UGT1A9: variants seen among roughly 807,000 people sequenced by gnomAD.
The protein encoded by UGT1A9 is UDP-glucuronosyltransferase 1A9.
In UGT1A9, 35 loss-of-function variants were observed where a neutral mutation model predicts 45.0. That is an observed-to-expected ratio of 0.78 (90% CI 0.59 to 1.03). The LOEUF (loss-of-function observed/expected upper bound fraction) is 1.03, where lower values mean the gene tolerates loss of function less well. Among genes scored for constraint, UGT1A9 ranks in the 50% least tolerant of loss-of-function variants. The pLI is 0.00. For synonymous variants in UGT1A9, 278 were observed against 250.6 expected (o/e 1.11, Z -1.03); for missense variants, 687 against 666.6 (o/e 1.03, Z -0.34).
chr2:233,675,092 A>T (rs1035687551), intron 1 of UGT1A9, among the ~76,000 whole-genome samples: 2 of 152,124 alleles, frequency 1.3e-5, no homozygotes, highest in African/African-American at 4.8e-5. Flanking sequence ...GACCCTGCAT[A>T]GGGGATTTTC....
intron 1 of UGT1A9, among the ~76,000 whole-genome samples, chr2:233,751,403 T>G (rs1694718342): frequency 6.6e-6 from 1 of 152,162 alleles, no homozygotes; most frequent in Admixed American, 6.5e-5. Flanking sequence ...GACTTTGGAC[T>G]ATGGACTTTT....
Position 233,768,305 on chromosome 2 carries a change from G to A in UGT1A9, c.1161G>A (p.Met387Ile), listed in dbSNP as rs1559415443. The A allele has an allele frequency of 1.2e-6, 2 of 1,614,084 alleles. No homozygotes were observed. Among genetic ancestry groups the A allele is most frequent in the Admixed American group, 1.7e-5 (1 of 59,988 alleles). ...TATGCAATGGCGTTCCCATGGTGAT[G>A]ATGCCCTTGTTTGGTGATCAGATGG... is the stretch of plus-strand genomic sequence containing the variant. ...ESICNGVPMV[M>I]MPLFGDQMDN... The change falls in exon 4 of 5, where the codon ATG becomes ATA. Residue 387 changes from methionine to isoleucine, a missense_variant. By Grantham distance (10) the Met-to-Ile change is conservative. Transcript: ENST00000354728.
Position 233,671,970 on chromosome 2 carries a change from A to C in UGT1A9, c.36A>C (p.Leu12=). ...ACTGWTSPLP[L]CVCLLLTCGF... ...CAGGGTGGACCAGCCCCCTTCCTCT[A>C]TGTGTGTGTCTGCTGCTGACCTGTG... The change falls in exon 1 of 5, where the codon CTA becomes CTC. Residue 12 remains leucine (L), a synonymous_variant. Coordinates refer to ENST00000354728, the MANE Select transcript of UGT1A9 (RefSeq NM_021027.3). The C allele has an allele frequency of 6.2e-7, 1 of 1,613,766 alleles. No homozygotes were observed.
At position 233,762,076 on chromosome 2, in the gene UGT1A9, C is replaced by T. The variant is rs543302541; in HGVS notation, c.856-4958C>T. ...CTTCATAGCACATCAAATATGGCAG[C>T]CATTTCACTTAGATAGTTGTTGATT... On this transcript the variant is annotated intron_variant, in intron 1 of 4. Coordinates refer to ENST00000354728, the MANE Select transcript of UGT1A9 (RefSeq NM_021027.3). Among the ~76,000 whole-genome samples the T allele has an allele frequency of 4.6e-5, 7 of 152,184 alleles. No homozygotes were observed. The East Asian group carries it at 1.4e-3, about 29-fold the overall frequency.
At chr2:233,713,213 T>C (rs2076292888) in intron 1 of UGT1A9, 1 of 1,614,164 alleles carries the variant, frequency 6.2e-7, no homozygotes, top group Non-Finnish European at 8.5e-7. Context: ...AAGAGAACTT[T>C]TTCACCCTGA....
chr2:233,690,687 A>G, intron 1 of UGT1A9: 1 of 1,254,678 alleles, frequency 8.0e-7, no homozygotes, highest in African/African-American at 1.6e-5. Context: ...TCTCCAGCGG[A>G]GCTACTCTTT....
chr2:233,674,107 A>G (rs1466820211), intron 1 of UGT1A9, among the ~76,000 whole-genome samples: 1 of 152,184 alleles, frequency 6.6e-6, no homozygotes, highest in Non-Finnish European at 1.5e-5. Flanking sequence ...GGGATGGAGT[A>G]TACAATTTAT....
chr2:233,713,649 C>A lies in UGT1A9; in HGVS notation c.855+40860C>A, dbSNP rs2076336502. 5.6e-6 allele frequency: 9 copies of A among 1,613,872 alleles called. No individual in the cohort carries two copies. The East Asian group carries it at 2.0e-4, about 36-fold the overall frequency. On this transcript the variant is annotated intron_variant, in intron 1 of 4. Transcript: ENST00000354728. ...CAAGAACATGCTCTACCCTCTGGCC[C>A]TGTCCTACCTTTGCCATGCTGTTTC... is the stretch of plus-strand genomic sequence containing the variant.
At position 233,691,024 on chromosome 2, in the gene UGT1A9, G is replaced by C; in HGVS notation, c.855+18235G>C. The C allele has an allele frequency of 7.1e-6, 7 of 991,444 alleles. 1 individual carries two copies. The highest frequency in any genetic ancestry group is 8.4e-6 in the Non-Finnish European group (7 of 834,158). The allele number at this position is 991,444 out of a possible 1,614,324, so 61.4% of individuals were successfully genotyped here. A position where few individuals can be genotyped will look rare whatever the true frequency, so the allele number is the denominator to read the frequency against. On this transcript the variant is annotated intron_variant, in intron 1 of 4. Transcript: ENST00000354728. ...TTCAGAGCAAGGCTGTGGTTGGAAG[G>C]GCTCAGACCAACGTCCACAGCAGAG...
chr2:233,678,554 T>C (rs2074421013), intron 1 of UGT1A9, among the ~76,000 whole-genome samples: 1 of 152,228 alleles, frequency 6.6e-6, no homozygotes, highest in Non-Finnish European at 1.5e-5. Context: ...AAAATGCTTT[T>C]ATACAGTACT....
Position 233,672,059 on chromosome 2 carries a change from G to C in UGT1A9, c.125G>C (p.Arg42Thr). ...GATGGGAGCCACTGGTTCACCATGA[G>C]GTCGGTGGTGGAGAAACTCATTCTC... is the stretch of plus-strand genomic sequence containing the variant. ...PMDGSHWFTM[R>T]SVVEKLILRG... is the part of the protein sequence containing the mutation. Residue 42 changes from arginine (R) to threonine (T), a missense_variant, in exon 1 of 5, where the codon AGG becomes ACG. By Grantham distance (71) the Arg-to-Thr change is moderately conservative. Transcript: ENST00000354728. 6.2e-7 allele frequency: 1 copy of C among 1,614,170 alleles called. No homozygotes were observed. Among genetic ancestry groups the C allele is most frequent in the Non-Finnish European group, 8.5e-7 (1 of 1,180,014 alleles).
Position 233,671,993 on chromosome 2 carries a change from G to A in UGT1A9, c.59G>A (p.Cys20Tyr). The change falls in exon 1 of 5, where the codon TGT (cysteine) becomes TAT (tyrosine). Residue 20 changes from cysteine to tyrosine, a missense_variant. Physicochemically the swap from Cys to Tyr is radical, Grantham distance 194. Transcript: ENST00000354728. ...CTATGTGTGTGTCTGCTGCTGACCTGTGGCTTTGCCGAGGCAGGGAAGCTA... is the reference window on the plus strand; with the variant it reads ...CTATGTGTGTGTCTGCTGCTGACCTATGGCTTTGCCGAGGCAGGGAAGCTA... ...LPLCVCLLLT[C>Y]GFAEAGKLLV... 2 of 1,614,124 alleles carry A rather than the reference G, an allele frequency of 1.2e-6. No homozygotes were observed. The highest frequency in any genetic ancestry group is 1.7e-6 in the Non-Finnish European group (2 of 1,180,006).
chr2:233,753,747 C>A (rs1162212818), intron 1 of UGT1A9: 2 of 152,344 alleles, frequency 1.3e-5, no homozygotes, highest in African/African-American at 4.8e-5. Context: ...AGCAATAGGA[C>A]AGTTTTGCGT....
At chr2:233,699,684 A>AT (rs2075518038) in intron 1 of UGT1A9, among the ~76,000 whole-genome samples, 1 of 152,196 alleles carries the variant, frequency 6.6e-6, no homozygotes, top group Non-Finnish European at 1.5e-5. Context: ...CTGAGAGGTG[A>AT]TAAAAACAAT....
intron 1 of UGT1A9, chr2:233,755,460 GCT>G (rs1695928623): frequency 3.6e-6 from 1 of 281,062 alleles, no homozygotes. Flanking sequence ...GACTGGCCCT[GCT>G]CTCTGTGAGG....
At chr2:233,731,619 C>A (rs527896427) in intron 1 of UGT1A9, among the ~76,000 whole-genome samples, 1 of 152,252 alleles carries the variant, frequency 6.6e-6, no homozygotes, top group South Asian at 2.1e-4. Context: ...TGAACTCATC[C>A]TTTTTTATGG....
At chr2:233,727,703 C>T (rs944124074) in intron 1 of UGT1A9, among the ~76,000 whole-genome samples, 2 of 152,208 alleles carry the variant, frequency 1.3e-5, no homozygotes, top group Non-Finnish European at 2.9e-5. Context: ...CTGGACAGTT[C>T]CCAAAGCCCT....
intron 1 of UGT1A9, chr2:233,713,068 C>T (rs2076275165): frequency 6.2e-7 from 1 of 1,614,140 alleles, no homozygotes; most frequent in South Asian, 1.1e-5. Flanking sequence ...CAGCCCTGGG[C>T]TGAGAGTGGG....
chr2:233,759,397 G>A (rs1263018819), intron 1 of UGT1A9, among the ~76,000 whole-genome samples: 10 of 152,128 alleles, frequency 6.6e-5, no homozygotes, highest in East Asian at 5.8e-4. Context: ...CAGAGTAACC[G>A]TGTGACCTGT....
Sources: allele counts gnomAD v4.1 joint callset (sites outside exome capture counted in the v4.1 genomes callset), GRCh38; gene constraint gnomAD v4.1.1; transcripts MANE v1.5; gene names NCBI Gene and HGNC (gene_info 2026-07-23, HGNC 2026-07-21).